TRMT1L: variants seen among roughly 807,000 people sequenced by gnomAD.
TRMT1L encodes tRNA methyltransferase 1L.
Under a neutral mutation model 81.6 loss-of-function variants are expected in TRMT1L, and 28 were observed. That is an observed-to-expected ratio of 0.34 (90% CI 0.25 to 0.47). The LOEUF is 0.47. Among genes scored for constraint, TRMT1L ranks in the 20% least tolerant of loss-of-function variants. The pLI, the probability that TRMT1L is intolerant of heterozygous loss-of-function variation, is 1.00. For synonymous variants in TRMT1L, 301 were observed against 303.2 expected (o/e 0.99, Z 0.07); for missense variants, 739 against 877.1 (o/e 0.84, Z 1.99).
chr1:185,124,070 AT>A, intron 12 of TRMT1L, 151 bp from the exon 13 acceptor site: 1 of 530,296 alleles, frequency 1.9e-6, no homozygotes, highest in Non-Finnish European at 3.3e-6. Context: ...CAAAAATTAC[AT>A]TTTTAACCCT....
At chr1:185,144,304 C>T (rs1489950732) in intron 5 of TRMT1L, among the ~76,000 whole-genome samples, 1 of 151,966 alleles carries the variant, frequency 6.6e-6, no homozygotes, top group African/African-American at 2.4e-5. Context: ...CTGTCCAGCA[C>T]ATCAATACAT....
intron 13 of TRMT1L, among the ~76,000 whole-genome samples, chr1:185,122,613 T>C (rs1276570975): frequency 3.9e-5 from 6 of 152,168 alleles, no homozygotes; most frequent in Non-Finnish European, 8.8e-5. Context: ...TAAGATAATT[T>C]TGCTGAATGG....
intron 10 of TRMT1L, among the ~76,000 whole-genome samples, chr1:185,130,685 G>A (rs148439695): frequency 2.2e-4 from 34 of 152,294 alleles, no homozygotes; most frequent in East Asian, 1.4e-3. Context: ...ACAATCAAGC[G>A]TCTGTGTCCT....
At chr1:185,120,971 T>C (rs1411254622) in intron 13 of TRMT1L, 1 of 152,548 alleles carries the variant, frequency 6.6e-6, no homozygotes. Flanking sequence ...TGATCAGTAT[T>C]GGATACACAG....
intron 12 of TRMT1L, among the ~76,000 whole-genome samples, chr1:185,124,460 G>A (rs1436498041): frequency 2.0e-5 from 3 of 151,836 alleles, no homozygotes; most frequent in African/African-American, 7.3e-5. Flanking sequence ...CACTTTGGGA[G>A]GTCAAGGTGG....
upstream of TRMT1L, chr1:185,156,964 C>A (rs1159799606): frequency 1.8e-6 from 1 of 559,084 alleles, no homozygotes; most frequent in Non-Finnish European, 3.1e-6. Context: ...GACGCCACCA[C>A]AAACTGCGCA....
intron 14 of TRMT1L, 24 bp from the exon 15 acceptor site, chr1:185,120,295 AAAT>A: frequency 1.3e-6 from 2 of 1,508,450 alleles, no homozygotes; most frequent in East Asian, 2.3e-5. Context: ...AGGAAAGAAA[AAAT>A]AATCAGGTTC....
intron 1 of TRMT1L, among the ~76,000 whole-genome samples, chr1:185,153,823 T>C (rs996139087): frequency 6.6e-6 from 1 of 152,186 alleles, no homozygotes; most frequent in Non-Finnish European, 1.5e-5. Context: ...GGCTCTCTAA[T>C]ATTATGTTAT....
intron 13 of TRMT1L, among the ~76,000 whole-genome samples, chr1:185,122,670 C>T (rs1182001797): frequency 1.3e-5 from 2 of 149,806 alleles, no homozygotes; most frequent in African/African-American, 2.5e-5. Context: ...TAGGATAATA[C>T]TCTTAAATCT....
At chr1:185,138,949 A>G (rs1017338320) in intron 9 of TRMT1L, among the ~76,000 whole-genome samples, 4 of 152,088 alleles carry the variant, frequency 2.6e-5, no homozygotes, top group Non-Finnish European at 4.4e-5. Flanking sequence ...CAACATGCCC[A>G]GCTAATTTTT....
intron 13 of TRMT1L, among the ~76,000 whole-genome samples, chr1:185,122,432 T>G (rs1652522223): frequency 6.6e-6 from 1 of 152,128 alleles, no homozygotes; most frequent in African/African-American, 2.4e-5. Flanking sequence ...AAAACAAATT[T>G]TTTTTTTGAG....
At chr1:185,121,854 G>C (rs879476517) in intron 13 of TRMT1L, among the ~76,000 whole-genome samples, 10 of 151,644 alleles carry the variant, frequency 6.6e-5, no homozygotes, top group Non-Finnish European at 1.3e-4. Flanking sequence ...ATTGTGTAAT[G>C]CTGGGGTTTG....
chr1:185,136,738 C>T (rs2102242097), intron 10 of TRMT1L, among the ~76,000 whole-genome samples: 1 of 152,204 alleles, frequency 6.6e-6, no homozygotes, highest in East Asian at 1.9e-4. Context: ...ATAGTCAAAA[C>T]AGTATGATAG....
At chr1:185,156,057 G>A (rs561707956) in intron 1 of TRMT1L, among the ~76,000 whole-genome samples, 1 of 152,276 alleles carries the variant, frequency 6.6e-6, no homozygotes, top group Non-Finnish European at 1.5e-5. Flanking sequence ...AGAAATGTTG[G>A]CAGCTAGGAT....
At position 185,137,710 on chromosome 1, in the gene TRMT1L, C is replaced by T; in HGVS notation, c.1409G>A (p.Arg470Lys). Residue 470 changes from arginine to lysine, a missense_variant, in exon 10 of 15, where the codon AGG (arginine) becomes AAG (lysine). By Grantham distance (26) the Arg-to-Lys change is conservative. Coordinates refer to ENST00000367506, the MANE Select transcript of TRMT1L (RefSeq NM_030934.5). ...HFVLVVVRVLRGPTSADETAK... is the reference protein window; with the variant it reads ...HFVLVVVRVLKGPTSADETAK... ...TGTTTCATCTGCTGAAGTAGGTCCC[C>T]TCAAAACTCTCACAACTACCAACAC... 6.2e-7 allele frequency: 1 copy of T among 1,614,126 alleles called. No homozygotes were observed. The highest frequency in any genetic ancestry group is 8.5e-7 in the Non-Finnish European group (1 of 1,180,020).
Position 185,143,341 on chromosome 1 carries a change from A to C in TRMT1L, c.859+16T>G, listed in dbSNP as rs779925788. 5.7e-6 allele frequency: 9 copies of C among 1,583,000 alleles called. No individual in the cohort carries two copies. The African/African-American group carries it at 1.2e-4, about 22-fold the overall frequency. ...GAATAAATAAAATGGGGTTCCAAAA[A>C]AGTGTCCTCACTTACCAGTGGCTCC... On this transcript the variant is annotated intron_variant, in intron 7 of 14. Transcript: ENST00000367506.
At position 185,139,964 on chromosome 1, in the gene TRMT1L, T is replaced by G; in HGVS notation, c.1109+9A>C. The G allele has an allele frequency of 6.2e-7, 1 of 1,601,714 alleles. No individual in the cohort carries two copies. Among genetic ancestry groups the G allele is most frequent in the Non-Finnish European group, 8.5e-7 (1 of 1,173,000 alleles). ...TTAGAAAGTGACACGGCAAGTCTTT[T>G]CTACTTACATGAAATCAAAAGATCT... On this transcript the variant is annotated intron_variant, in intron 8 of 14. Coordinates refer to ENST00000367506, the MANE Select transcript of TRMT1L (RefSeq NM_030934.5).
At position 185,137,806 on chromosome 1, in the gene TRMT1L, A is replaced by T. The variant is rs754648205; in HGVS notation, c.1323-10T>A. On this transcript the variant is annotated splice_polypyrimidine_tract_variant and intron_variant, in intron 9 of 14. Coordinates refer to ENST00000367506, the MANE Select transcript of TRMT1L (RefSeq NM_030934.5). ...GCATCGGGCTGCAGCTCTACAATAA[A>T]TTTTTTCAAGTTATTTTGTGGGCTT... 4 of 1,608,784 alleles carry T rather than the reference A, an allele frequency of 2.5e-6. No homozygotes were observed. Among genetic ancestry groups the T allele is most frequent in the Non-Finnish European group, 2.5e-6 (3 of 1,178,196 alleles).
intron 7 of TRMT1L, among the ~76,000 whole-genome samples, chr1:185,142,828 G>C (rs1027644220): frequency 1.3e-5 from 2 of 152,038 alleles, no homozygotes; most frequent in Non-Finnish European, 2.9e-5. Flanking sequence ...CACACACACA[G>C]AAAATGATAG....
Sources: allele counts gnomAD v4.1 joint callset (sites outside exome capture counted in the v4.1 genomes callset), GRCh38; gene constraint gnomAD v4.1.1; transcripts MANE v1.5; gene names NCBI Gene and HGNC (gene_info 2026-07-23, HGNC 2026-07-21).